Variants in AHRR observed in about 807,000 individuals in gnomAD.
AHRR encodes the protein ahR repressor.
A neutral mutation model predicts 44.0 loss-of-function variants in AHRR; 28 were observed. That is an observed-to-expected ratio of 0.64 (90% confidence interval 0.47 to 0.87). AHRR has a LOEUF of 0.87. AHRR is among the 40% of genes least tolerant of loss of function. AHRR has a pLI of 0.00. For synonymous variants in AHRR, 434 were observed against 407.0 expected, an observed-to-expected ratio of 1.07 and a Z score of -0.80; for missense variants, 990 against 953.9, an observed-to-expected ratio of 1.04 and a Z score of -0.50.
chr5:322,451 C>G (rs1178533245), intron 1 of AHRR: 2 of 152,120 alleles, frequency 1.3e-5, no homozygotes, highest in Admixed American at 1.3e-4. Context: ...GCCTGTCCCA[C>G]GGGCCTGTCC....
At chr5:377,176 AGG>A (rs1733757204) in intron 4 of AHRR, among the ~76,000 whole-genome samples, 1 of 151,942 alleles carries the variant, frequency 6.6e-6, no homozygotes, top group African/African-American at 2.4e-5. Context: ...CTCTGTGGTG[AGG>A]GGGCTTTTCA....
intron 5 of AHRR, among the ~76,000 whole-genome samples, chr5:420,632 T>A (rs1482793939): frequency 6.6e-6 from 1 of 152,122 alleles, no homozygotes; most frequent in East Asian, 1.9e-4. Context: ...ACAAAAGCCT[T>A]CCCCATGTGG....
In AHRR at chr5:434,625, G is replaced by A. The variant is rs772856049; in HGVS notation, c.1885G>A (p.Glu629Lys). ...GCCCACAGACGGCCTTCCCCAGTCG[G>A]AGCCTCCCCACCAGCTCTGTGCACG... ...LEPTDGLPQSEPPHQLCARGR... is the reference protein window; with the variant it reads ...LEPTDGLPQSKPPHQLCARGR... Residue 629 changes from glutamate (E) to lysine (K), a missense_variant, in exon 11 of 11, where the codon GAG becomes AAG. Coordinates refer to ENST00000684583, the MANE Select transcript of AHRR (RefSeq NM_001377236.1). 2.1e-5 allele frequency: 33 copies of A among 1,562,226 alleles called. No individual in the cohort carries two copies. The highest frequency in any genetic ancestry group is 2.8e-5 in the Non-Finnish European group (32 of 1,153,500).
intron 5 of AHRR, chr5:420,808 GCCACCCAC>G (rs1274244478): frequency 7.7e-5 from 5 of 64,568 alleles, no homozygotes; most frequent in Admixed American, 4.1e-4. Flanking sequence ...CAGCCACGCA[GCCACCCAC>G]CCACGCAGCC....
At chr5:394,822 TGAG>T (rs1734626361) in intron 4 of AHRR, among the ~76,000 whole-genome samples, 1 of 152,074 alleles carries the variant, frequency 6.6e-6, no homozygotes, top group South Asian at 2.1e-4. Flanking sequence ...AGCTCCTGGG[TGAG>T]GAGTTTACCT....
In AHRR at chr5:381,596, A is replaced by G. The variant is rs552961264; in HGVS notation, c.351+4880A>G. ...AGTGGTGCAATCTCGGTTCACTGCA[A>G]TCTCTGCCTCCCGGGATCAAGCAAT... is the stretch of plus-strand genomic sequence containing the variant. On this transcript the variant is annotated intron_variant, in intron 4 of 10. Coordinates refer to ENST00000684583, the MANE Select transcript of AHRR (RefSeq NM_001377236.1). Among the ~76,000 whole-genome samples, 4 of 134,844 alleles carry G rather than the reference A, an allele frequency of 3.0e-5. 1 individual carries two copies. The highest frequency in any genetic ancestry group is 2.5e-4 in the South Asian group (1 of 4,050). The allele number at this position is 134,844 out of a possible 152,430, so 88.5% of individuals were successfully genotyped here.
Position 432,812 on chromosome 5 carries a change from G to A in AHRR, c.977G>A (p.Ser326Asn), listed in dbSNP as rs1002360303. Residue 326 changes from serine (S) to asparagine (N), a missense_variant, in exon 10 of 11, where the codon AGC (serine) becomes AAC (asparagine). Transcript: ENST00000684583. ...CCCCTCTAAACCCCAACAGGAAGGA[G>A]CAGCAGAGAGAGCGGCGTTTTGGTG... ...HGKPNYSAGR[S>N]SRESGVLVLR... 6.2e-7 allele frequency: 1 copy of A among 1,613,880 alleles called. No homozygotes were observed. The highest frequency in any genetic ancestry group is 1.3e-5 in the African/African-American group (1 of 75,036).
intron 5 of AHRR, among the ~76,000 whole-genome samples, chr5:422,179 G>T (rs1052768197): frequency 2.0e-5 from 3 of 152,108 alleles, no homozygotes; most frequent in Middle Eastern, 3.2e-3. Flanking sequence ...AGCCTCTGTC[G>T]CCAGACATGG....
rs56847301 is a variant in AHRR at position 337,255 on chromosome 5, C to CA, written c.-10-6637dup. Among the ~76,000 whole-genome samples, 15,188 of 152,134 alleles carry CA rather than the reference C, an allele frequency of 0.1. 2,443 individuals carry two copies. The highest frequency in any genetic ancestry group is 0.34 in the African/African-American group (14,040 of 41,418). On this transcript the variant is annotated intron_variant, in intron 1 of 10. Coordinates refer to ENST00000684583, the MANE Select transcript of AHRR (RefSeq NM_001377236.1). This position sits in a 1 kb window ranked among gnomAD's most constrained non-coding sequence, Gnocchi z 4.1. ...TGCCAACCCCAGCCCACTTAGACTC[C>CA]ACTGTCCTCCCCACTTTATAGAGAA...
At chr5:423,429 C>T (rs952904784) in intron 6 of AHRR, among the ~76,000 whole-genome samples, 9 of 152,112 alleles carry the variant, frequency 5.9e-5, no homozygotes, top group African/African-American at 1.7e-4. Context: ...TGAGGAGAGG[C>T]GACACCTGCC....
At position 328,774 on chromosome 5, in the gene AHRR, G is replaced by A. The variant is rs146735365; in HGVS notation, c.-11+6955G>A. On this transcript the variant is annotated intron_variant, in intron 1 of 10. Coordinates refer to ENST00000684583, the MANE Select transcript of AHRR (RefSeq NM_001377236.1). ...CATCGTTCAATTGTTTGAGTTCCTC[G>A]TATATTCTGGTTACTACTCCCCTGT... 4.2e-3 allele frequency among the ~76,000 whole-genome samples: 636 copies of A among 152,132 alleles called. 3 individuals are homozygous for A. Among genetic ancestry groups the A allele is most frequent in the Non-Finnish European group, 3.9e-3 (265 of 67,994 alleles).
At position 418,244 on chromosome 5, in the gene AHRR, G is replaced by A. The variant is rs115804904; in HGVS notation, c.442-4485G>A. Among the ~76,000 whole-genome samples, 857 of 152,260 alleles carry A rather than the reference G, an allele frequency of 5.6e-3. 7 individuals are homozygous for A. The highest frequency in any genetic ancestry group is 0.02 in the African/African-American group (812 of 41,548). On this transcript the variant is annotated intron_variant, in intron 5 of 10. Coordinates refer to ENST00000684583, the MANE Select transcript of AHRR (RefSeq NM_001377236.1). Reference sequence around the variant, plus strand: ...ACGAAAGGAGGGTTTGTTTTTGTACGGTTTGGATAATTTTAACATCATGCT... The same window carrying A: ...ACGAAAGGAGGGTTTGTTTTTGTACAGTTTGGATAATTTTAACATCATGCT...
intron 4 of AHRR, among the ~76,000 whole-genome samples, chr5:407,665 G>A (rs1473288560): frequency 1.3e-5 from 2 of 152,120 alleles, no homozygotes; most frequent in African/African-American, 2.4e-5. Flanking sequence ...TCAGCCTCCC[G>A]AGTAGCTGGG....
chr5:379,391 G>A (rs768878599), intron 4 of AHRR, among the ~76,000 whole-genome samples: 2 of 152,200 alleles, frequency 1.3e-5, no homozygotes, highest in East Asian at 3.8e-4. Context: ...GTCAATAGAC[G>A]TTCACATACA....
chr5:422,904 C>T (rs1736199614), intron 6 of AHRR, 46 bp downstream of exon 6: 1 of 1,564,400 alleles, frequency 6.4e-7, no homozygotes, highest in Non-Finnish European at 8.7e-7. Context: ...TAAAGCAGGT[C>T]CCATAACACA....
At chr5:361,525 G>A (rs537398955) in intron 3 of AHRR, among the ~76,000 whole-genome samples, 63 of 152,338 alleles carry the variant, frequency 4.1e-4, no homozygotes, top group Admixed American at 4.6e-4. Context: ...GCACAGGGCA[G>A]GGCTGTCTCT....
intron 4 of AHRR, among the ~76,000 whole-genome samples, chr5:386,406 A>T (rs1734169904): frequency 6.6e-6 from 1 of 152,232 alleles, no homozygotes; most frequent in Non-Finnish European, 1.5e-5. Context: ...TGAGGTGGGG[A>T]GATTATCCAA....
intron 2 of AHRR, among the ~76,000 whole-genome samples, chr5:348,859 G>A (rs1742766005): frequency 1.3e-5 from 2 of 152,252 alleles, no homozygotes; most frequent in South Asian, 2.1e-4. Context: ...ACTTAGGCAT[G>A]CAGTTGCTGG....
chr5:323,251 G>A (rs1056182489), intron 1 of AHRR, among the ~76,000 whole-genome samples: 3 of 152,254 alleles, frequency 2.0e-5, no homozygotes, highest in African/African-American at 7.2e-5. Context: ...CCTCACAGGG[G>A]CATTTCTGTG....
Sources: gnomAD v4.1 joint callset for allele counts (sites outside exome capture counted in the v4.1 genomes callset) on GRCh38, gnomAD v4.1.1 for gene constraint, Gnocchi (gnomAD v3.1) non-coding constraint, MANE v1.5 for transcripts, NCBI Gene and HGNC (gene_info 2026-07-23, HGNC 2026-07-21) for gene names.